Variants in MAP4K4 observed in about 807,000 individuals in gnomAD.
MAP4K4 encodes HPK/GCK-like kinase HGK.
MAP4K4 carries 38 observed loss-of-function variants against 189.6 expected under a neutral mutation model. The ratio of observed to expected loss-of-function variants is 0.20; its 90% CI spans 0.15 to 0.26. MAP4K4 has a LOEUF of 0.26. Among genes scored for constraint, MAP4K4 ranks in the 10% least tolerant of loss-of-function variants. The pLI is 1.00. For synonymous variants in MAP4K4, 610 were observed against 624.3 expected (o/e 0.98, Z 0.34); for missense variants, 1,054 against 1,726.9 (o/e 0.61, Z 6.91).
At chr2:101,734,737 TGA>T (rs1034472440) in intron 2 of MAP4K4, among the ~76,000 whole-genome samples, 2 of 152,130 alleles carry the variant, frequency 1.3e-5, no homozygotes, top group African/African-American at 2.4e-5. Flanking sequence ...TGCTTCTTCT[TGA>T]GAGAGAGATT....
intron 10 of MAP4K4, among the ~76,000 whole-genome samples, chr2:101,842,401 C>T (rs2096948993): frequency 6.6e-6 from 1 of 152,194 alleles, no homozygotes; most frequent in Non-Finnish European, 1.5e-5. Flanking sequence ...ATCAGCTTTT[C>T]TGTGGGGAGT....
intron 27 of MAP4K4, among the ~76,000 whole-genome samples, chr2:101,878,926 GA>G (rs2150158204): frequency 6.6e-6 from 1 of 152,238 alleles, no homozygotes; most frequent in East Asian, 1.9e-4. Context: ...ATACTTAAAT[GA>G]GGAAACAGCC....
intron 3 of MAP4K4, among the ~76,000 whole-genome samples, chr2:101,805,556 A>G (rs181687414): frequency 9.5e-4 from 144 of 152,346 alleles, no homozygotes; most frequent in African/African-American, 3.4e-3. Context: ...GAATTGCTGC[A>G]GAGATAGAAG....
rs184579306 is a variant in MAP4K4 at position 101,888,338 on chromosome 2, A to G, written c.3931+401A>G. Among the ~76,000 whole-genome samples, 7 of 152,374 alleles carry G rather than the reference A, an allele frequency of 4.6e-5. No individual in the cohort carries two copies. The East Asian group carries it at 1.2e-3, about 25-fold the overall frequency. On this transcript the variant is annotated intron_variant, in intron 31 of 32. Coordinates refer to ENST00000324219, the Ensembl canonical transcript of MAP4K4. ...ACAGAATGCTAGAGCCATAACTACA[A>G]ACAGCCTTGTGCATACTTTTCTAGT...
intron 23 of MAP4K4, 23 bp downstream of exon 23, chr2:101,870,438 C>A: frequency 6.2e-7 from 1 of 1,612,378 alleles, no homozygotes; most frequent in South Asian, 1.1e-5. Flanking sequence ...TCTCTGTTGT[C>A]AGAGGCTGAG....
intron 3 of MAP4K4, among the ~76,000 whole-genome samples, chr2:101,799,583 GTT>G (rs575431041): frequency 7.0e-6 from 1 of 142,996 alleles, no homozygotes. Context: ...ATGTGTGTGG[GTT>G]TTTTTTTTTT....
intron 7 of MAP4K4, 149 bp downstream of exon 7, chr2:101,832,000 A>G (rs2096607051): frequency 3.6e-6 from 3 of 836,968 alleles, no homozygotes; most frequent in Non-Finnish European, 5.5e-6. Context: ...CAAATTTTCC[A>G]GGACAGTATT....
intron 2 of MAP4K4, among the ~76,000 whole-genome samples, chr2:101,727,541 C>G (rs1053387992): frequency 3.3e-5 from 5 of 152,130 alleles, no homozygotes; most frequent in Non-Finnish European, 7.4e-5. Flanking sequence ...AAGTAAATGG[C>G]CTGTGAGTCT....
At chr2:101,845,402 G>A (rs1030612930) in intron 12 of MAP4K4, among the ~76,000 whole-genome samples, 4 of 152,094 alleles carry the variant, frequency 2.6e-5, no homozygotes, top group South Asian at 2.1e-4. Context: ...GTCATGGGTC[G>A]CTTAATGACG....
chr2:101,801,344 A>G (rs1055342020), intron 3 of MAP4K4, among the ~76,000 whole-genome samples: 1 of 152,226 alleles, frequency 6.6e-6, no homozygotes, highest in African/African-American at 2.4e-5. Context: ...ACAGGCATGT[A>G]GAAGGAAGTC....
intron 18 of MAP4K4, among the ~76,000 whole-genome samples, 163 bp from the exon 19 acceptor site, chr2:101,866,265 A>G (rs2097809477): frequency 6.6e-6 from 1 of 152,182 alleles, no homozygotes; most frequent in Non-Finnish European, 1.5e-5. Flanking sequence ...GAACAATGTC[A>G]TTATATCTTT....
chr2:101,860,908 G>A, exon 16 of MAP4K4: 1 of 1,608,146 alleles, frequency 6.2e-7, no homozygotes, highest in South Asian at 1.1e-5. Context: ...AGCCACCAGT[G>A]CCTTCCCGAT....
intron 26 of MAP4K4, among the ~76,000 whole-genome samples, chr2:101,875,136 C>G (rs1205032706): frequency 6.6e-6 from 1 of 152,120 alleles, no homozygotes; most frequent in Non-Finnish European, 1.5e-5. Flanking sequence ...GGCAGCAGTT[C>G]TATCAATAAA....
intron 1 of MAP4K4, 122 bp downstream of exon 1, chr2:101,698,259 C>G (rs1051049249): frequency 2.5e-6 from 1 of 397,418 alleles, no homozygotes; most frequent in South Asian, 7.6e-5. Flanking sequence ...GCGCGGCGGC[C>G]CCTTTGTCTT....
chr2:101,796,953 A>G (rs1197877060), intron 3 of MAP4K4, among the ~76,000 whole-genome samples: 1 of 152,212 alleles, frequency 6.6e-6, no homozygotes, highest in Non-Finnish European at 1.5e-5. Flanking sequence ...ACAAGAAGCT[A>G]AGCAATATAT....
intron 2 of MAP4K4, among the ~76,000 whole-genome samples, chr2:101,737,440 TATATATATATATATATATATA>T (rs2060689861): frequency 2.8e-5 from 1 of 35,426 alleles, no homozygotes; most frequent in South Asian, 1.2e-3. Flanking sequence ...TATATATATA[TATATATATATATATATATATA>T]TTTTTTTTTT....
rs533066649 is a variant in MAP4K4 at position 101,849,384 on chromosome 2, C to A, written c.1233+5073C>A. ...GCTCAAGCAATCCACCCGCCTCAGC[C>A]TCCCAAAGTGCTGGAATTACAGGCA... is the stretch of plus-strand genomic sequence containing the variant. On this transcript the variant is annotated intron_variant, in intron 12 of 32. Coordinates refer to ENST00000324219, the Ensembl canonical transcript of MAP4K4. Among the ~76,000 whole-genome samples, 72 of 152,284 alleles carry A rather than the reference C, an allele frequency of 4.7e-4. 1 individual carries two copies. Among genetic ancestry groups the A allele is most frequent in the Non-Finnish European group, 9.4e-4 (64 of 68,022 alleles).
At chr2:101,883,597 A>T (rs1198845324) in intron 28 of MAP4K4, among the ~76,000 whole-genome samples, 8 of 152,230 alleles carry the variant, frequency 5.3e-5, no homozygotes, top group African/African-American at 1.9e-4. Context: ...TTAAAGTTTT[A>T]TAGGAAAGAT....
intron 3 of MAP4K4, among the ~76,000 whole-genome samples, chr2:101,794,963 T>A (rs929920982): frequency 6.6e-6 from 1 of 152,204 alleles, no homozygotes; most frequent in Admixed American, 6.5e-5. Flanking sequence ...ACTGGAAATA[T>A]GTTGAGAGGT....
Sources: gnomAD v4.1 joint callset for allele counts (sites outside exome capture counted in the v4.1 genomes callset) on GRCh38, gnomAD v4.1.1 for gene constraint, MANE v1.5 for transcripts, NCBI Gene and HGNC (gene_info 2026-07-23, HGNC 2026-07-21) for gene names.